The following MID1 variants were observed in gnomAD, a reference collection of about 807,000 sequenced individuals.
The protein encoded by MID1 is midline 1, also known as E3 ubiquitin-protein ligase Midline-1.
A neutral mutation model predicts 40.4 loss-of-function variants in MID1; 7 were observed. That is an observed-to-expected ratio of 0.17 (90% CI 0.10 to 0.33). MID1 has a LOEUF of 0.33. Ranked by LOEUF, MID1 falls within the 10% of genes least tolerant of loss-of-function variation. MID1 has a pLI of 1.00. For missense variants in MID1, 367 were observed against 558.5 expected (o/e 0.66, Z 3.46); for synonymous variants, 229 against 221.2 (o/e 1.04, Z -0.31).
chrX:10,619,499 G>A (rs1338892545), intron 1 of MID1, among the ~76,000 whole-genome samples: 3 of 112,334 alleles, frequency 2.7e-5, no homozygotes, highest in Non-Finnish European at 3.8e-5. Context: ...CCATAACTTT[G>A]ATTGAGTTGT....
Position 10,805,972 on chromosome X carries a change from G to A in MID1, c.-187+27582C>T, listed in dbSNP as rs776992940. Among the ~76,000 whole-genome samples, 3 of 108,209 alleles carry A rather than the reference G, an allele frequency of 2.8e-5. No individual in the cohort carries two copies. The South Asian group carries it at 1.2e-3, about 45-fold the overall frequency. 94.0% of individuals were successfully genotyped at this position (108,209 alleles called of 115,157 possible). On this transcript the variant is annotated intron_variant, in intron 1 of 10. Coordinates refer to the MID1 transcript ENST00000380785. ...AGTTCATTGTAGATTCTGGATATTAGCCCTTTGTCAGATGAGTAGGTTGCG... is the reference window on the plus strand; with the variant it reads ...AGTTCATTGTAGATTCTGGATATTAACCCTTTGTCAGATGAGTAGGTTGCG...
At chrX:10,483,715 C>T (rs367740567) in intron 4 of MID1, among the ~76,000 whole-genome samples, 11 of 112,268 alleles carry the variant, frequency 9.8e-5, no homozygotes, top group African/African-American at 3.6e-4. Flanking sequence ...AGAATTCCTG[C>T]TAATTCCAAG....
At chrX:10,813,910 G>A (rs1311882409) in intron 1 of MID1, among the ~76,000 whole-genome samples, 2 of 111,494 alleles carry the variant, frequency 1.8e-5, no homozygotes, top group East Asian at 2.8e-4. Context: ...AATGTTTTCC[G>A]CTTCATGAGT....
chrX:10,647,138 A>C (rs893603187), intron 1 of MID1, among the ~76,000 whole-genome samples: 1 of 111,197 alleles, frequency 9.0e-6, no homozygotes, highest in African/African-American at 3.3e-5. Context: ...AAGCTACACA[A>C]CCATCCAGGA....
At chrX:10,608,647 T>G (rs1935669801) in intron 1 of MID1, among the ~76,000 whole-genome samples, 1 of 111,642 alleles carries the variant, frequency 9.0e-6, no homozygotes, top group African/African-American at 3.3e-5. Context: ...CCTATGGATC[T>G]GTAATTATTT....
At chrX:10,647,136 C>T (rs1936270075) in intron 1 of MID1, among the ~76,000 whole-genome samples, 1 of 111,403 alleles carries the variant, frequency 9.0e-6, no homozygotes, top group Admixed American at 9.6e-5. Context: ...TCAAGCTACA[C>T]AACCATCCAG....
intron 2 of MID1, among the ~76,000 whole-genome samples, chrX:10,541,706 C>T (rs911542549): frequency 9.0e-6 from 1 of 110,903 alleles, no homozygotes; most frequent in Admixed American, 9.7e-5. Flanking sequence ...CCATTTCAAG[C>T]AGCTCTCTAG....
intron 3 of MID1, among the ~76,000 whole-genome samples, chrX:10,515,348 C>T (rs899957126): frequency 4.7e-4 from 53 of 111,896 alleles, no homozygotes; most frequent in African/African-American, 1.7e-3. Flanking sequence ...CAAGTAACAC[C>T]TCACTCTCAT....
intron 1 of MID1, among the ~76,000 whole-genome samples, chrX:10,756,440 A>G (rs1409986094): frequency 2.7e-5 from 3 of 112,498 alleles, no homozygotes; most frequent in Admixed American, 9.4e-5. Context: ...AATATGCTAA[A>G]TTACAGTGAA....
intron 1 of MID1, among the ~76,000 whole-genome samples, chrX:10,714,444 T>A (rs1437380893): frequency 8.9e-6 from 1 of 112,066 alleles, no homozygotes; most frequent in Non-Finnish European, 1.9e-5. Context: ...CTTATATAGC[T>A]CACTGTGGCC....
At chrX:10,820,536 G>T (rs2044167387) in intron 1 of MID1, among the ~76,000 whole-genome samples, 1 of 111,636 alleles carries the variant, frequency 9.0e-6, no homozygotes, top group Non-Finnish European at 1.9e-5. Context: ...ATCATATAGA[G>T]TGATCATTTC....
At chrX:10,604,963 T>A (rs1935597849) in intron 1 of MID1, among the ~76,000 whole-genome samples, 1 of 112,442 alleles carries the variant, frequency 8.9e-6, no homozygotes, top group Non-Finnish European at 1.9e-5. Context: ...TCTACTAACA[T>A]TTTATGTACT....
At chrX:10,621,266 A>G (rs771657777), upstream of MID1, among the ~76,000 whole-genome samples, 39 of 111,898 alleles carry the variant, frequency 3.5e-4, no homozygotes, top group Middle Eastern at 4.6e-3. Context: ...TGGCTTCCCT[A>G]CAGGGTTGAT....
chrX:10,579,818 C>A, intron 1 of MID1, among the ~76,000 whole-genome samples: 1 of 102,483 alleles, frequency 9.8e-6, no homozygotes, highest in African/African-American at 3.6e-5. Context: ...TTAAAGGCAA[C>A]AGAAAGAGGA....
intron 2 of MID1, chrX:10,565,048 A>C (rs946811615): frequency 4.0e-6 from 1 of 252,770 alleles, no homozygotes; most frequent in Admixed American, 4.6e-5. Context: ...GTAAAAATTA[A>C]TAGCCTTCGC....
At chrX:10,667,699 G>A (rs948387348) in intron 1 of MID1, among the ~76,000 whole-genome samples, 1 of 111,121 alleles carries the variant, frequency 9.0e-6, no homozygotes, top group African/African-American at 3.3e-5. Flanking sequence ...TGATTAATTC[G>A]CTGCTTGAGT....
chrX:10,656,065 C>T (rs1206950096), intron 1 of MID1, among the ~76,000 whole-genome samples: 1 of 112,540 alleles, frequency 8.9e-6, no homozygotes, highest in Admixed American at 9.4e-5. Flanking sequence ...TACACACACA[C>T]ATGCACACAC....
At chrX:10,572,774 G>C (rs1934773478) in intron 1 of MID1, among the ~76,000 whole-genome samples, 1 of 111,853 alleles carries the variant, frequency 8.9e-6, no homozygotes, top group Non-Finnish European at 1.9e-5. Context: ...AGAGGATCTA[G>C]ATAATCTTGA....
chrX:10,671,387 G>C (rs2042986521), intron 1 of MID1, among the ~76,000 whole-genome samples: 2 of 112,259 alleles, frequency 1.8e-5, no homozygotes, highest in Admixed American at 1.9e-4. Context: ...AGAAAACTGA[G>C]ATGATAATGT....
Sources: gnomAD v4.1 joint callset for allele counts (sites outside exome capture counted in the v4.1 genomes callset) on GRCh38, gnomAD v4.1.1 for gene constraint, MANE v1.5 for transcripts, NCBI Gene and HGNC (gene_info 2026-07-23, HGNC 2026-07-21) for gene names.